FHIP1A: variants seen among roughly 807,000 people sequenced by gnomAD.
FHIP1A encodes the protein FHF complex subunit HOOK interacting protein 1A.
FHIP1A carries 61 observed loss-of-function variants against 88.6 expected under a neutral mutation model. That is an observed-to-expected ratio of 0.69 (90% CI 0.56 to 0.85). The LOEUF is 0.85. Among genes scored for constraint, FHIP1A ranks in the 40% least tolerant of loss-of-function variants. The pLI is 0.00. For synonymous variants in FHIP1A, 478 were observed against 496.0 expected (o/e 0.96, Z 0.48); for missense variants, 1,154 against 1,273.5 (o/e 0.91, Z 1.43).
intron 4 of FHIP1A, among the ~76,000 whole-genome samples, chr4:151,574,257 G>A (rs1318179752): frequency 1.3e-5 from 2 of 152,320 alleles, no homozygotes; most frequent in South Asian, 4.1e-4. Context: ...TCTTCAATGT[G>A]TCTGCTCCAT....
At position 151,629,758 on chromosome 4, in the gene FHIP1A, C is replaced by T; in HGVS notation, c.1035C>T (p.Ser345=). Residue 345 remains serine, a synonymous_variant, in exon 8 of 14, where the codon AGC becomes AGT. Coordinates refer to ENST00000435205, the MANE Select transcript of FHIP1A (RefSeq NM_001109977.3). ...TTAYLDLFLR[S]ISEPALLEIF... ...CATATCTGGACCTTTTCCTGCGTAG[C>T]ATCTCCGAGCCAGCACTACTTGAGA... 1 of 1,551,434 alleles carries T rather than the reference C, an allele frequency of 6.4e-7. No individual in the cohort carries two copies. The highest frequency in any genetic ancestry group is 1.4e-5 in the African/African-American group (1 of 73,150).
intron 2 of FHIP1A, among the ~76,000 whole-genome samples, chr4:151,475,706 CAT>C: frequency 6.6e-6 from 1 of 152,160 alleles, no homozygotes; most frequent in Admixed American, 6.5e-5. Flanking sequence ...ACTTGCTTAA[CAT>C]GTACTTCGTA....
intron 3 of FHIP1A, among the ~76,000 whole-genome samples, chr4:151,541,883 C>T (rs974614738): frequency 3.3e-5 from 5 of 152,138 alleles, no homozygotes; most frequent in Non-Finnish European, 5.9e-5. Context: ...TACTACAGTA[C>T]GCCTTTTCGG....
At chr4:151,619,691 T>C (rs569117469) in intron 7 of FHIP1A, among the ~76,000 whole-genome samples, 10 of 152,258 alleles carry the variant, frequency 6.6e-5, no homozygotes, top group African/African-American at 2.4e-4. Flanking sequence ...ATTCAACATA[T>C]ATATTTTAAG....
rs537742041 is a variant in FHIP1A at position 151,608,085 on chromosome 4, C to A, written c.978+19159C>A. 8.3e-5 allele frequency among the ~76,000 whole-genome samples: 10 copies of A among 120,296 alleles called. No individual in the cohort carries two copies. The Admixed American group carries it at 1.0e-3, about 12-fold the overall frequency. The allele number at this position is 120,296 out of a possible 152,430, so 78.9% of individuals were successfully genotyped here. On this transcript the variant is annotated intron_variant, in intron 7 of 13. Coordinates refer to ENST00000435205, the MANE Select transcript of FHIP1A (RefSeq NM_001109977.3). The stretch of plus-strand genomic sequence containing the variant: ...TTTGAGATGGCGTCTCACTCTGTTC[C>A]CCAGGCTGAAGTGCAGGGGCATGAT...
intron 5 of FHIP1A, among the ~76,000 whole-genome samples, chr4:151,579,451 A>G (rs1733940850): frequency 6.6e-6 from 1 of 152,120 alleles, no homozygotes; most frequent in Admixed American, 6.5e-5. Context: ...TTTGAGAGGG[A>G]GCTATACGTG....
intron 1 of FHIP1A, among the ~76,000 whole-genome samples, chr4:151,434,291 G>A (rs553952953): frequency 6.6e-6 from 1 of 152,132 alleles, no homozygotes; most frequent in South Asian, 2.1e-4. Context: ...CAAATTCTTT[G>A]TAGGATTAGA....
At chr4:151,558,823 A>G (rs1295026995) in intron 3 of FHIP1A, among the ~76,000 whole-genome samples, 2 of 152,232 alleles carry the variant, frequency 1.3e-5, no homozygotes, top group Non-Finnish European at 2.9e-5. Context: ...AAACTTTGGC[A>G]AAAGATTAAT....
At chr4:151,592,602 C>G (rs1734481578) in intron 7 of FHIP1A, among the ~76,000 whole-genome samples, 1 of 152,082 alleles carries the variant, frequency 6.6e-6, no homozygotes, top group Non-Finnish European at 1.5e-5. Flanking sequence ...TCTTTGCCCA[C>G]TTTTTGGTGG....
intron 3 of FHIP1A, among the ~76,000 whole-genome samples, chr4:151,484,644 A>G (rs17591223): frequency 0.019 from 2,969 of 152,362 alleles, 48 homozygotes; most frequent in South Asian, 0.06. Flanking sequence ...AAGCTTGAAG[A>G]CAGTATGATG....
At chr4:151,601,889 A>G (rs1019448054) in intron 7 of FHIP1A, among the ~76,000 whole-genome samples, 4 of 151,960 alleles carry the variant, frequency 2.6e-5, no homozygotes, top group Non-Finnish European at 4.4e-5. Context: ...ACAGTTTTAC[A>G]TGGGTGGGGA....
chr4:151,446,581 C>CTTTTTTTTTTTTTT (rs35115788), intron 1 of FHIP1A, among the ~76,000 whole-genome samples: 1 of 109,968 alleles, frequency 9.1e-6, no homozygotes. Flanking sequence ...TGTTCTTTTT[C>CTTTTTTTTTTTTTT]TTTTTTTTTT....
intron 2 of FHIP1A, among the ~76,000 whole-genome samples, chr4:151,470,138 A>G (rs890113378): frequency 1.3e-5 from 2 of 152,232 alleles, no homozygotes; most frequent in Non-Finnish European, 1.5e-5. Flanking sequence ...GTGGTAGAGT[A>G]GTATGGTAAT....
At position 151,433,660 on chromosome 4, in the gene FHIP1A, G is replaced by A. The variant is rs145667803; in HGVS notation, c.-355-21041G>A. On this transcript the variant is annotated intron_variant, in intron 1 of 13. Coordinates refer to ENST00000435205, the MANE Select transcript of FHIP1A (RefSeq NM_001109977.3). Reference sequence around the variant, plus strand: ...GCTGTGAGATAGATGACGGTGGCCAGGAACTTGCTCAAAGAGAGAAGGGAG... The same window carrying A: ...GCTGTGAGATAGATGACGGTGGCCAAGAACTTGCTCAAAGAGAGAAGGGAG... Among the ~76,000 whole-genome samples the A allele has an allele frequency of 6.6e-5, 10 of 152,224 alleles. No homozygotes were observed. In the East Asian group the frequency reaches 1.9e-3, roughly 29 times the overall value.
intron 3 of FHIP1A, among the ~76,000 whole-genome samples, chr4:151,558,732 A>G (rs1733055106): frequency 1.3e-5 from 2 of 152,228 alleles, no homozygotes; most frequent in African/African-American, 4.8e-5. Context: ...GTTGAGAACC[A>G]TTGAGGCTCC....
intron 8 of FHIP1A, among the ~76,000 whole-genome samples, chr4:151,634,664 C>G (rs1390086415): frequency 2.0e-5 from 3 of 151,706 alleles, no homozygotes; most frequent in Non-Finnish European, 4.4e-5. Context: ...AGGACGGTTT[C>G]ATCAACAAAT....
chr4:151,528,041 G>A (rs1665851495), intron 3 of FHIP1A, among the ~76,000 whole-genome samples: 1 of 152,150 alleles, frequency 6.6e-6, no homozygotes, highest in Admixed American at 6.5e-5. Flanking sequence ...CTTATTGAAT[G>A]GACCCAGGCC....
At chr4:151,424,511 G>T (rs796185054) in intron 1 of FHIP1A, among the ~76,000 whole-genome samples, 14 of 152,258 alleles carry the variant, frequency 9.2e-5, no homozygotes, top group African/African-American at 3.4e-4. Context: ...AGTAGGATAA[G>T]GTAGACTCAG....
chr4:151,498,224 A>G (rs1291580231), intron 3 of FHIP1A, among the ~76,000 whole-genome samples: 1 of 152,174 alleles, frequency 6.6e-6, no homozygotes, highest in Non-Finnish European at 1.5e-5. Flanking sequence ...TTTCTTTAAG[A>G]ATGTCATTAG....
Sources: gnomAD v4.1 joint callset for allele counts (sites outside exome capture counted in the v4.1 genomes callset) on GRCh38, gnomAD v4.1.1 for gene constraint, MANE v1.5 for transcripts, NCBI Gene and HGNC (gene_info 2026-07-23, HGNC 2026-07-21) for gene names.